SLC37A1: variants seen among roughly 807,000 people sequenced by gnomAD.
SLC37A1 encodes solute carrier family 37 member 1, also known as glucose-6-phosphate exchanger SLC37A1.
In SLC37A1, 49 loss-of-function variants were observed where a neutral mutation model predicts 75.3. That is an observed-to-expected ratio of 0.65 (90% CI 0.52 to 0.83). The LOEUF (loss-of-function observed/expected upper bound fraction) is 0.83, where lower values mean the gene tolerates loss of function less well. Ranked by LOEUF, SLC37A1 falls within the 40% of genes least tolerant of loss-of-function variation. SLC37A1 has a pLI of 0.00. For synonymous variants in SLC37A1, 268 were observed against 292.1 expected, an observed-to-expected ratio of 0.92 and a Z score of 0.84; for missense variants, 566 against 695.0, an observed-to-expected ratio of 0.81 and a Z score of 2.09.
chr21:42,558,850 A>G, intron 10 of SLC37A1, 108 bp from the exon 11 acceptor site: 4 of 1,413,222 alleles, frequency 2.8e-6, no homozygotes, highest in Non-Finnish European at 3.9e-6. Context: ...AGGCAGTGGA[A>G]GAGAGAGCCG....
chr21:42,539,606 T>C lies in SLC37A1; in HGVS notation c.445T>C (p.Phe149Leu). 6.2e-7 allele frequency: 1 copy of C among 1,613,942 alleles called. No homozygotes were observed. Among genetic ancestry groups the C allele is most frequent in the Non-Finnish European group, 8.5e-7 (1 of 1,179,940 alleles). ...CACCGCCCTGTTCGGCTTAGGGTAT[T>C]TCTACAACATCCACAGTTTCGGATT... The part of the protein sequence containing the change: ...AFTALFGLGY[F>L]YNIHSFGFYV... The change falls in exon 6 of 20, where the codon TTC becomes CTC. Residue 149 changes from phenylalanine (F) to leucine (L), a missense_variant. Phe to Leu is a conservative substitution (Grantham distance 22). Coordinates refer to ENST00000352133, the MANE Select transcript of SLC37A1 (RefSeq NM_001320537.2).
intron 2 of SLC37A1, among the ~76,000 whole-genome samples, chr21:42,522,214 G>A (rs1432898019): frequency 1.3e-5 from 2 of 152,198 alleles, no homozygotes; most frequent in African/African-American, 2.4e-5. Flanking sequence ...ATAAGGTCAC[G>A]TTCTGAGGTT....
Position 42,543,470 on chromosome 21 carries a change from A to G in SLC37A1, c.598A>G (p.Thr200Ala), listed in dbSNP as rs750100139. ...GLIMGVWNSH[T>A]SVGNILGSLI... ...GATTATGGGGGTCTGGAACTCCCAC[A>G]CCTCCGTGGGCAACATCTTGGGGTC... The change falls in exon 8 of 20, where the codon ACC becomes GCC. Residue 200 changes from threonine to alanine, a missense_variant. By Grantham distance (58) the Thr-to-Ala change is moderately conservative. Transcript: ENST00000352133. The G allele has an allele frequency of 6.2e-7, 1 of 1,613,896 alleles. No homozygotes were observed. The highest frequency in any genetic ancestry group is 1.1e-5 in the South Asian group (1 of 91,064).
rs778483714 is a variant in SLC37A1 at position 42,539,541 on chromosome 21, G to C, written c.380G>C (p.Arg127Thr). 1.9e-6 allele frequency: 3 copies of C among 1,613,756 alleles called. No individual in the cohort carries two copies. The highest frequency in any genetic ancestry group is 2.5e-6 in the Non-Finnish European group (3 of 1,179,882). Reference sequence around the variant, plus strand: ...ATCATTGGGGAGCGCCTGCCGATTAGGTATTACCTAACTTTCGGGATGCTC... The same window carrying C: ...ATCATTGGGGAGCGCCTGCCGATTACGTATTACCTAACTTTCGGGATGCTC... The part of the protein sequence containing the change: ...SGIIGERLPI[R>T]YYLTFGMLAS... The change falls in exon 6 of 20, where the codon AGG (arginine) becomes ACG (threonine). Residue 127 changes from arginine to threonine, a missense_variant. Physicochemically the swap from Arg to Thr is moderately conservative, Grantham distance 71. Transcript: ENST00000352133.
At chr21:42,519,626 C>G (rs2054596924) in intron 2 of SLC37A1, among the ~76,000 whole-genome samples, 1 of 152,228 alleles carries the variant, frequency 6.6e-6, no homozygotes, top group Non-Finnish European at 1.5e-5. Flanking sequence ...ACGCCAACCC[C>G]CTGGCAGCCC....
intron 17 of SLC37A1, among the ~76,000 whole-genome samples, chr21:42,570,467 A>G (rs1182180931): frequency 6.6e-6 from 1 of 152,178 alleles, no homozygotes; most frequent in African/African-American, 2.4e-5. Context: ...TGGCGGCAGT[A>G]GTCACCCCTC....
At chr21:42,507,996 TTTGTTTAGAAGAAAAGTACCA>T (rs149245333) in intron 2 of SLC37A1, among the ~76,000 whole-genome samples, 8,597 of 152,154 alleles carry the variant, frequency 0.057, 324 homozygotes, top group South Asian at 0.14. Context: ...TCAGACAGTG[TTTGTTTAGAAGAAAAGTACCA>T]TGTCCATAAA....
rs1439166985 is a variant in SLC37A1, at chr21:42,554,121, G to A, written c.828G>A (p.Lys276=). Residue 276 remains lysine, a synonymous_variant, in exon 10 of 20, where the codon AAG becomes AAA. Transcript: ENST00000352133. ...NRLRLQKQIL[K]SEKNKPLDPE... ...TGAGACTCCAGAAGCAAATCTTGAA[G>A]AGCGAAAAGAACAAGCCTCTGGTAA... 1.2e-6 allele frequency: 2 copies of A among 1,613,648 alleles called. No homozygotes were observed. Among genetic ancestry groups the A allele is most frequent in the South Asian group, 2.2e-5 (2 of 91,032 alleles).
intron 18 of SLC37A1, among the ~76,000 whole-genome samples, chr21:42,578,985 G>A (rs531559362): frequency 9.2e-5 from 14 of 152,352 alleles, no homozygotes; most frequent in African/African-American, 2.4e-4. Context: ...GAGGGGCCAC[G>A]TCCAGGGAGA....
intron 16 of SLC37A1, 80 bp downstream of exon 16, chr21:42,567,138 G>C (rs895280001): frequency 6.7e-7 from 1 of 1,489,104 alleles, no homozygotes; most frequent in Non-Finnish European, 9.2e-7. Flanking sequence ...CTCCATTACT[G>C]TTAGTAAAAC....
At chr21:42,550,668 G>A (rs952892285) in intron 9 of SLC37A1, among the ~76,000 whole-genome samples, 2 of 152,198 alleles carry the variant, frequency 1.3e-5, no homozygotes, top group Non-Finnish European at 2.9e-5. Flanking sequence ...TCTTTTATGA[G>A]TGTAGATGCA....
At chr21:42,549,894 A>G (rs544686065) in intron 9 of SLC37A1, among the ~76,000 whole-genome samples, 2 of 152,204 alleles carry the variant, frequency 1.3e-5, no homozygotes, top group South Asian at 2.1e-4. Context: ...ATAAAAAGGT[A>G]AAAATAACAG....
intron 3 of SLC37A1, among the ~76,000 whole-genome samples, chr21:42,533,907 G>A (rs182194377): frequency 5.3e-5 from 8 of 152,336 alleles, no homozygotes; most frequent in Admixed American, 5.2e-4. Context: ...GGCCCTGCTT[G>A]CTGGTTCTGT....
intron 5 of SLC37A1, among the ~76,000 whole-genome samples, chr21:42,535,952 A>G (rs1189201419): frequency 6.6e-6 from 1 of 152,224 alleles, no homozygotes; most frequent in Non-Finnish European, 1.5e-5. Flanking sequence ...TATATGCCCC[A>G]AATAACGAAT....
chr21:42,561,851 G>A (rs1626694), intron 11 of SLC37A1: 256,467 of 493,956 alleles, frequency 0.52, 70,704 homozygotes, highest in African/African-American at 0.74. Flanking sequence ...CAGAGGCCCC[G>A]CCCCTCCCTG....
chr21:42,525,043 CAGACTCCCTCAACGACAGCG>C (rs2054746440), intron 2 of SLC37A1, among the ~76,000 whole-genome samples: 1 of 152,204 alleles, frequency 6.6e-6, no homozygotes, highest in South Asian at 2.1e-4. Context: ...GAGGCCTCCA[CAGACTCCCTCAACGACAGCG>C]TTTGGGGGCT....
intron 15 of SLC37A1, among the ~76,000 whole-genome samples, chr21:42,566,348 G>A (rs1034429280): frequency 1.3e-5 from 2 of 152,230 alleles, no homozygotes; most frequent in African/African-American, 2.4e-5. Flanking sequence ...AGGGCAGGTG[G>A]CCCCCCAGCC....
chr21:42,563,877 G>A lies in SLC37A1; in HGVS notation c.1135G>A (p.Gly379Ser), dbSNP rs2055900396. ...CCTGTTTGACGTGGGCGGAATCTTTGGTGAGTTCATTAAGACTTGTTCTGC... is the reference window on the plus strand; with the variant it reads ...CCTGTTTGACGTGGGCGGAATCTTTAGTGAGTTCATTAAGACTTGTTCTGC... ...STLFDVGGIF[G>S]GILAGVISDR... Residue 379 changes from glycine (G) to serine (S), a missense_variant and splice_region_variant, in exon 13 of 20, where the codon GGT becomes AGT. Coordinates refer to ENST00000352133, the MANE Select transcript of SLC37A1 (RefSeq NM_001320537.2). 1 of 1,614,158 alleles carries A rather than the reference G, an allele frequency of 6.2e-7. No individual in the cohort carries two copies. The highest frequency in any genetic ancestry group is 8.5e-7 in the Non-Finnish European group (1 of 1,180,020).
intron 2 of SLC37A1, among the ~76,000 whole-genome samples, chr21:42,506,914 A>T (rs2054388942): frequency 1.3e-5 from 2 of 152,014 alleles, no homozygotes; most frequent in Non-Finnish European, 2.9e-5. Context: ...ACAGACTCTC[A>T]CTCTGTCACC....
Sources: allele counts gnomAD v4.1 joint callset (sites outside exome capture counted in the v4.1 genomes callset), GRCh38; gene constraint gnomAD v4.1.1; transcripts MANE v1.5; gene names NCBI Gene and HGNC (gene_info 2026-07-23, HGNC 2026-07-21).